Variants in GMPR observed in about 807,000 individuals in gnomAD.
GMPR encodes GMP reductase 1.
GMPR carries 31 observed loss-of-function variants against 38.4 expected under a neutral mutation model. The observed-to-expected ratio is 0.81, with a 90% confidence interval of 0.61 to 1.09. GMPR has a LOEUF of 1.09. Ranked by LOEUF, GMPR falls within the 50% of genes least tolerant of loss-of-function variation. The pLI, the probability that GMPR is intolerant of heterozygous loss-of-function variation, is 0.00. For synonymous variants in GMPR, 162 were observed against 173.3 expected (o/e 0.93, Z 0.51); for missense variants, 468 against 453.7 (o/e 1.03, Z -0.29).
intron 7 of GMPR, among the ~76,000 whole-genome samples, chr6:16,288,185 A>G (rs1581666724): frequency 6.6e-6 from 1 of 152,090 alleles, no homozygotes; most frequent in Admixed American, 6.5e-5. Context: ...CCGTCTCTGC[A>G]CTCTGGGAGC....
chr6:16,265,921 C>A (rs887101107), intron 4 of GMPR, among the ~76,000 whole-genome samples: 1 of 152,184 alleles, frequency 6.6e-6, no homozygotes, highest in Non-Finnish European at 1.5e-5. Context: ...CAGTTTCACT[C>A]CTGAAGTCAG....
chr6:16,278,912 A>C lies in GMPR; in HGVS notation c.654+22A>C. ...CTCTGTGAGTCTCCACCCGGGGCTGAGGCTGGGGTGTCTTGGGAGGCCCCT... is the reference window on the plus strand; with the variant it reads ...CTCTGTGAGTCTCCACCCGGGGCTGCGGCTGGGGTGTCTTGGGAGGCCCCT... On this transcript the variant is annotated intron_variant, in intron 6 of 8. Coordinates refer to ENST00000259727, the MANE Select transcript of GMPR (RefSeq NM_006877.4). 4 of 1,493,472 alleles carry C rather than the reference A, an allele frequency of 2.7e-6. No individual in the cohort carries two copies. In the South Asian group the frequency reaches 3.5e-5, roughly 13 times the overall value. 92.5% of individuals were successfully genotyped at this position (1,493,472 alleles called of 1,614,324 possible). A position where few individuals can be genotyped will look rare whatever the true frequency, so the allele number is the denominator to read the frequency against.
intron 5 of GMPR, among the ~76,000 whole-genome samples, chr6:16,278,049 G>A (rs747924558): frequency 9.9e-5 from 15 of 152,212 alleles, no homozygotes; most frequent in Non-Finnish European, 1.9e-4. Context: ...GGGGCTGACC[G>A]TGGGACAGGC....
rs114893258 is a variant in GMPR at position 16,241,420 on chromosome 6, A to G, written c.87+2640A>G. ...CACCAGCCTTCCATAAATGAACATG[A>G]ATGAGATGAATCTGAGGTCACCTCT... On this transcript the variant is annotated intron_variant, in intron 1 of 8. Transcript: ENST00000259727. 2.9e-3 allele frequency among the ~76,000 whole-genome samples: 440 copies of G among 152,318 alleles called. 4 individuals carry two copies. The highest frequency in any genetic ancestry group is 9.1e-3 in the Admixed American group (140 of 15,308).
rs117174071 is a variant in GMPR, at chr6:16,239,736, C to G, written c.87+956C>G. 1.2e-3 allele frequency among the ~76,000 whole-genome samples: 190 copies of G among 152,364 alleles called. 1 individual carries two copies. The East Asian group carries it at 0.028, about 23-fold the overall frequency. On this transcript the variant is annotated intron_variant, in intron 1 of 8. Coordinates refer to ENST00000259727, the MANE Select transcript of GMPR (RefSeq NM_006877.4). ...AATAAATCCCCTCAGCAAAGAAGTC[C>G]GCTGCCCACTCCGGTGCCAGGCCTA...
At chr6:16,289,821 G>A (rs1338053189) in intron 7 of GMPR, 4 of 138,214 alleles carry the variant, frequency 2.9e-5, no homozygotes, top group South Asian at 2.4e-4. Context: ...ACAAGATTAG[G>A]TAACTTGCTT....
Position 16,264,973 on chromosome 6 carries a change from C to A in GMPR, c.466-9442C>A, listed in dbSNP as rs890127713. On this transcript the variant is annotated intron_variant, in intron 4 of 8. Coordinates refer to ENST00000259727, the MANE Select transcript of GMPR (RefSeq NM_006877.4). ...GAGAACACCTTTGTCAGAAAAGGTCCTATTGAGGGGCTGGCTGATTGAAGA... is the reference window on the plus strand; with the variant it reads ...GAGAACACCTTTGTCAGAAAAGGTCATATTGAGGGGCTGGCTGATTGAAGA... 4.1e-4 allele frequency among the ~76,000 whole-genome samples: 63 copies of A among 152,138 alleles called. 1 individual carries two copies. Among genetic ancestry groups the A allele is most frequent in the African/African-American group, 1.4e-3 (57 of 41,426 alleles).
At chr6:16,267,156 G>T (rs1283049855) in intron 4 of GMPR, among the ~76,000 whole-genome samples, 1 of 152,108 alleles carries the variant, frequency 6.6e-6, no homozygotes, top group African/African-American at 2.4e-5. Flanking sequence ...CAGGTCAGGA[G>T]ATCATGACCA....
chr6:16,276,678 T>G (rs1162489702), intron 5 of GMPR, among the ~76,000 whole-genome samples: 1 of 152,218 alleles, frequency 6.6e-6, no homozygotes, highest in Non-Finnish European at 1.5e-5. Context: ...GGGAGCTACT[T>G]CTTTAAATTG....
At chr6:16,263,606 G>A (rs1187004762) in intron 4 of GMPR, among the ~76,000 whole-genome samples, 1 of 151,562 alleles carries the variant, frequency 6.6e-6, no homozygotes, top group Non-Finnish European at 1.5e-5. Flanking sequence ...GAGATAAGAG[G>A]TCGGGTTGCA....
chr6:16,274,545 G>T (rs1168109395), intron 5 of GMPR, 49 bp downstream of exon 5: 4 of 1,070,884 alleles, frequency 3.7e-6, no homozygotes, highest in Non-Finnish European at 5.8e-6. Context: ...GGAAGAATGG[G>T]ATCTGGGGCT....
At chr6:16,282,819 TTTTTTTTGA>T (rs1314712398) in intron 6 of GMPR, among the ~76,000 whole-genome samples, 11 of 152,200 alleles carry the variant, frequency 7.2e-5, no homozygotes, top group Non-Finnish European at 1.0e-4. Context: ...TTTTTCTTTT[TTTTTTTTGA>T]GACAGAGTCT....
At chr6:16,251,112 A>C (rs1330206146) in intron 3 of GMPR, among the ~76,000 whole-genome samples, 1 of 152,222 alleles carries the variant, frequency 6.6e-6, no homozygotes, top group Admixed American at 6.5e-5. Flanking sequence ...AGCGTTATTC[A>C]TAATAGCCCA....
At chr6:16,246,779 A>G in intron 1 of GMPR, 63 bp from the exon 2 acceptor site, 1 of 1,540,154 alleles carries the variant, frequency 6.5e-7, no homozygotes, top group Non-Finnish European at 8.9e-7. Context: ...AATTCTGCAC[A>G]TTTCACATAA....
At chr6:16,269,361 T>G (rs1364095350) in intron 4 of GMPR, among the ~76,000 whole-genome samples, 1 of 152,212 alleles carries the variant, frequency 6.6e-6, no homozygotes, top group Non-Finnish European at 1.5e-5. Context: ...TATTTTGCCA[T>G]AGATGTTGAG....
chr6:16,240,517 T>TC (rs1229539189), intron 1 of GMPR, among the ~76,000 whole-genome samples: 1 of 152,190 alleles, frequency 6.6e-6, no homozygotes, highest in East Asian at 1.9e-4. Flanking sequence ...TCACCTGTAG[T>TC]CCCAGCTACT....
chr6:16,292,988 C>T (rs73724824), intron 8 of GMPR, among the ~76,000 whole-genome samples: 2,421 of 152,126 alleles, frequency 0.016, 80 homozygotes, highest in African/African-American at 0.055. Context: ...CTGAGCCTTG[C>T]GGCTGCACCT....
chr6:16,273,900 C>T (rs559713137), intron 4 of GMPR, among the ~76,000 whole-genome samples: 1 of 148,284 alleles, frequency 6.7e-6, no homozygotes, highest in Admixed American at 6.8e-5. Context: ...ACTGCAGCCT[C>T]TGCCTCCCGG....
Position 16,285,845 on chromosome 6 carries a change from G to A in GMPR, c.697+10G>A, listed in dbSNP as rs1213055785. The A allele has an allele frequency of 1.2e-6, 2 of 1,606,474 alleles. No homozygotes were observed. The highest frequency in any genetic ancestry group is 1.7e-6 in the Non-Finnish European group (2 of 1,175,748). Reference sequence around the variant, plus strand: ...GTCGCCAAAGCCTTTGGTAAGGCCGGGCCCTGGTGCAGAGGGAGGGAAGGA... The same window carrying A: ...GTCGCCAAAGCCTTTGGTAAGGCCGAGCCCTGGTGCAGAGGGAGGGAAGGA... On this transcript the variant is annotated intron_variant, in intron 7 of 8. Transcript: ENST00000259727.
Sources: allele counts gnomAD v4.1 joint callset (sites outside exome capture counted in the v4.1 genomes callset), GRCh38; gene constraint gnomAD v4.1.1; transcripts MANE v1.5; gene names NCBI Gene and HGNC (gene_info 2026-07-23, HGNC 2026-07-21).